LOXHD1: variants seen among roughly 807,000 people sequenced by gnomAD.
The protein encoded by LOXHD1 is lipoxygenase homology PLAT domains 1.
LOXHD1 carries 205 observed loss-of-function variants against 248.2 expected under a neutral mutation model. That is an observed-to-expected ratio of 0.83 (90% CI 0.74 to 0.93). LOXHD1 has a LOEUF of 0.93. Ranked by LOEUF, LOXHD1 falls within the 40% of genes least tolerant of loss-of-function variation. The probability of loss-of-function intolerance (pLI) is 0.00; values close to 1 mark genes in which losing one functional copy is unlikely to be tolerated. For missense variants in LOXHD1, 2,930 were observed against 2,971.6 expected, an observed-to-expected ratio of 0.99 and a Z score of 0.33; for synonymous variants, 1,113 against 1,162.8, an observed-to-expected ratio of 0.96 and a Z score of 0.87.
intron 31 of LOXHD1, among the ~76,000 whole-genome samples, chr18:46,523,281 G>A (rs2035668190): frequency 6.6e-6 from 1 of 152,164 alleles, no homozygotes; most frequent in South Asian, 2.1e-4. Flanking sequence ...ACTCAACTGG[G>A]AGGAGTACTC....
chr18:46,488,214 A>G (rs1017266114), intron 38 of LOXHD1, among the ~76,000 whole-genome samples: 10 of 152,190 alleles, frequency 6.6e-5, no homozygotes, highest in African/African-American at 2.2e-4. Flanking sequence ...CTGCCAGAGG[A>G]TGTCCCAGAG....
chr18:46,566,638 C>G (rs2037649070), intron 16 of LOXHD1, among the ~76,000 whole-genome samples, 189 bp from the exon 17 acceptor site: 1 of 152,210 alleles, frequency 6.6e-6, no homozygotes, highest in Admixed American at 6.5e-5. Context: ...ACCAGGGCAT[C>G]ACCTCACCTG....
chr18:46,656,850 C>G (rs1464423128), intron 1 of LOXHD1, 54 bp downstream of exon 1: 1 of 1,539,342 alleles, frequency 6.5e-7, no homozygotes, highest in Non-Finnish European at 8.8e-7. Flanking sequence ...GAACAGACCC[C>G]TGCCCACCGC....
chr18:46,628,771 G>C (rs981155528), intron 4 of LOXHD1, among the ~76,000 whole-genome samples: 20 of 152,236 alleles, frequency 1.3e-4, no homozygotes, highest in Admixed American at 3.9e-4. Flanking sequence ...ACTGAGCATT[G>C]ACTCTGTGCC....
chr18:46,593,205 A>T (rs1568206874), intron 10 of LOXHD1, among the ~76,000 whole-genome samples: 1 of 151,082 alleles, frequency 6.6e-6, no homozygotes, highest in South Asian at 2.1e-4. Context: ...TTTTAAAAAA[A>T]GTTCTAAAAT....
chr18:46,492,705 A>T (rs1320201607), intron 37 of LOXHD1, among the ~76,000 whole-genome samples: 2 of 152,124 alleles, frequency 1.3e-5, no homozygotes, highest in African/African-American at 4.8e-5. Context: ...GTTCTGCTTT[A>T]TTTTTTTACA....
In LOXHD1 at chr18:46,534,411, C is replaced by A; in HGVS notation, c.4136G>T (p.Gly1379Val). ...VGEIIEKIRI[G>V]HNNTGMNPGW... The stretch of plus-strand genomic sequence containing the variant: ...AGGATTCATGCCCGTGTTATTATGG[C>A]CAATCCGAATTTTTTCAATGATTTC... Residue 1379 changes from glycine to valine, a missense_variant, in exon 27 of 41, where the codon GGC becomes GTC. Physicochemically the swap from Gly to Val is moderately radical, Grantham distance 109. Coordinates refer to ENST00000642948, the MANE Select transcript of LOXHD1 (RefSeq NM_001384474.1). 6.4e-7 allele frequency: 1 copy of A among 1,551,656 alleles called. No homozygotes were observed.
chr18:46,610,141 G>A (rs1189335315), intron 6 of LOXHD1, among the ~76,000 whole-genome samples: 6 of 152,136 alleles, frequency 3.9e-5, no homozygotes, highest in Admixed American at 2.0e-4. Context: ...GGTGGGCCAC[G>A]GTCAGGGAAG....
chr18:46,538,001 T>C (rs940136930), intron 26 of LOXHD1, among the ~76,000 whole-genome samples, 155 bp downstream of exon 26: 3 of 152,208 alleles, frequency 2.0e-5, no homozygotes, highest in African/African-American at 4.8e-5. Context: ...TGCTTGGATG[T>C]ACTGAGGCCC....
At chr18:46,543,480 C>T (rs535722315) in intron 23 of LOXHD1, among the ~76,000 whole-genome samples, 1 of 152,108 alleles carries the variant, frequency 6.6e-6, no homozygotes, top group East Asian at 1.9e-4. Context: ...GGTTTTTTTA[C>T]ATACGTATAC....
At chr18:46,506,704 C>T (rs1443104087) in intron 36 of LOXHD1, among the ~76,000 whole-genome samples, 4 of 152,212 alleles carry the variant, frequency 2.6e-5, no homozygotes, top group Non-Finnish European at 1.5e-5. Context: ...AATTTACTAG[C>T]TTTATTGACC....
intron 29 of LOXHD1, among the ~76,000 whole-genome samples, chr18:46,525,775 G>A (rs567397489): frequency 6.6e-6 from 1 of 152,224 alleles, no homozygotes; most frequent in African/African-American, 2.4e-5. Context: ...GCTGGGTGCA[G>A]GTGCCATGTG....
chr18:46,597,547 C>A (rs1478848783), intron 8 of LOXHD1, among the ~76,000 whole-genome samples: 2 of 133,914 alleles, frequency 1.5e-5, no homozygotes, highest in Non-Finnish European at 1.6e-5. Context: ...TACATGCGCA[C>A]ACACACACAC....
intron 12 of LOXHD1, among the ~76,000 whole-genome samples, chr18:46,586,592 C>T (rs2038065565): frequency 6.8e-6 from 1 of 147,522 alleles, no homozygotes; most frequent in Admixed American, 6.8e-5. Flanking sequence ...ATTACAGGTA[C>T]CTGCGACCAT....
intron 2 of LOXHD1, among the ~76,000 whole-genome samples, chr18:46,642,986 G>T (rs2038982336): frequency 6.6e-6 from 1 of 152,220 alleles, no homozygotes; most frequent in African/African-American, 2.4e-5. Flanking sequence ...CATCACAGAA[G>T]ATTTATCCAC....
At position 46,568,930 on chromosome 18, in the gene LOXHD1, G is replaced by A. The variant is rs181213441; in HGVS notation, c.2244+512C>T. Among the ~76,000 whole-genome samples the A allele has an allele frequency of 1.4e-3, 214 of 152,258 alleles. 1 individual carries two copies. The highest frequency in any genetic ancestry group is 4.8e-3 in the African/African-American group (198 of 41,542). ...GAGTCACCTGGAGCCTTGATCTGGA[G>A]GCTCTTGGGTTCCATCTCCCAAGAC... On this transcript the variant is annotated intron_variant, in intron 16 of 40. Coordinates refer to ENST00000642948, the MANE Select transcript of LOXHD1 (RefSeq NM_001384474.1).
rs191388197 is a variant in LOXHD1 at position 46,567,067 on chromosome 18, T to C, written c.2245-618A>G. On this transcript the variant is annotated intron_variant, in intron 16 of 40. Coordinates refer to ENST00000642948, the MANE Select transcript of LOXHD1 (RefSeq NM_001384474.1). ...TGCTTTGCGATTTTGCATTTTAACA[T>C]CTTTGCCCCCATGGGCAACATAGAG... Among the ~76,000 whole-genome samples, 4 of 152,340 alleles carry C rather than the reference T, an allele frequency of 2.6e-5. No individual in the cohort carries two copies. The East Asian group carries it at 7.7e-4, about 29-fold the overall frequency.
chr18:46,537,688 C>T (rs2036372446), intron 26 of LOXHD1, among the ~76,000 whole-genome samples: 1 of 152,236 alleles, frequency 6.6e-6, no homozygotes. Context: ...AGCCATGGAA[C>T]ATACAGAATG....
chr18:46,561,413 G>A (rs1436329889), intron 18 of LOXHD1, among the ~76,000 whole-genome samples: 1 of 152,194 alleles, frequency 6.6e-6, no homozygotes, highest in Non-Finnish European at 1.5e-5. Flanking sequence ...CCCAGGCTCT[G>A]AGGAAGGACC....
Sources: allele counts gnomAD v4.1 joint callset (sites outside exome capture counted in the v4.1 genomes callset), GRCh38; gene constraint gnomAD v4.1.1; transcripts MANE v1.5; gene names NCBI Gene and HGNC (gene_info 2026-07-23, HGNC 2026-07-21).